The following CNPY2 variants were observed in gnomAD, a reference collection of about 807,000 sequenced individuals.
CNPY2 encodes protein canopy homolog 2.
A neutral mutation model predicts 25.5 loss-of-function variants in CNPY2; 19 were observed. The ratio of observed to expected loss-of-function variants is 0.74; its 90% CI spans 0.52 to 1.09. The LOEUF is 1.09. CNPY2 is among the 50% of genes least tolerant of loss of function. The probability of loss-of-function intolerance (pLI) is 0.00; values close to 1 mark genes in which losing one functional copy is unlikely to be tolerated. For missense variants in CNPY2, 214 were observed against 233.6 expected, an observed-to-expected ratio of 0.92 and a Z score of 0.55; for synonymous variants, 82 against 85.0, an observed-to-expected ratio of 0.96 and a Z score of 0.19.
rs1370712852 is a variant in CNPY2, at chr12:56,314,959, C to T, written c.96G>A (p.Arg32=). 1.2e-6 allele frequency: 2 copies of T among 1,614,076 alleles called. No individual in the cohort carries two copies. The highest frequency in any genetic ancestry group is 1.7e-6 in the Non-Finnish European group (2 of 1,180,006). The change falls in exon 3 of 6, where the codon AGG becomes AGA. Residue 32 remains arginine, a synonymous_variant. Transcript: ENST00000273308. ...CCCATTCTAGTTCATCCACCAGAGC[C>T]CTGCATGCTGGTGGAAGAGGAGAGA... is the stretch of plus-strand genomic sequence containing the variant. The part of the protein sequence containing the change: ...RSQDLHCGAC[R]ALVDELEWEI...
At chr12:56,314,577 C>A in intron 3 of CNPY2, 3 of 1,323,000 alleles carry the variant, frequency 2.3e-6, no homozygotes, top group Non-Finnish European at 2.9e-6. Context: ...CACAGTGCTA[C>A]ATTAAAAACC....
intron 1 of CNPY2, 116 bp from the exon 2 acceptor site, chr12:56,315,358 T>C (rs1873879184): frequency 3.2e-6 from 2 of 633,112 alleles, no homozygotes; most frequent in South Asian, 1.9e-5. Flanking sequence ...GGCTCTACTT[T>C]CCAGGAAATG....
At position 56,313,258 on chromosome 12, in the gene CNPY2, A is replaced by C. The variant is rs912269558; in HGVS notation, c.204+1593T>G. On this transcript the variant is annotated intron_variant, in intron 3 of 5. Coordinates refer to ENST00000273308, the MANE Select transcript of CNPY2 (RefSeq NM_014255.7). ...GTAATCCCAGCACTTTGAGAGGCCG[A>C]GGAGGGTGGCTCACTTGAGGTCAGG... 3.9e-5 allele frequency among the ~76,000 whole-genome samples: 6 copies of C among 152,052 alleles called. No individual in the cohort carries two copies. In the East Asian group the frequency reaches 7.8e-4, roughly 20 times the overall value.
chr12:56,310,913 T>G (rs1247489305), intron 5 of CNPY2, 45 bp downstream of exon 5: 1 of 1,552,444 alleles, frequency 6.4e-7, no homozygotes, highest in Non-Finnish European at 8.9e-7. Flanking sequence ...GAATGTCAGG[T>G]TCCACAGAGC....
intron 3 of CNPY2, chr12:56,311,653 G>A: frequency 4.2e-6 from 2 of 479,520 alleles, no homozygotes; most frequent in Non-Finnish European, 7.8e-6. Flanking sequence ...CTGGGTTCAA[G>A]TGATTCTCCT....
chr12:56,315,565 G>A (rs1458650694), intron 1 of CNPY2, among the ~76,000 whole-genome samples: 1 of 152,180 alleles, frequency 6.6e-6, no homozygotes, highest in East Asian at 1.9e-4. Context: ...GAGGTAAGTT[G>A]GCGATTACGT....
intron 2 of CNPY2, 31 bp from the exon 3 acceptor site, chr12:56,314,997 G>A (rs1489620862): frequency 1.9e-6 from 3 of 1,611,962 alleles, no homozygotes; most frequent in Non-Finnish European, 2.5e-6. Flanking sequence ...GAGAGCAGGG[G>A]ACAGGGTAGG....
chr12:56,311,481 T>C (rs763274465), intron 3 of CNPY2, 67 bp from the exon 4 acceptor site: 6 of 1,463,870 alleles, frequency 4.1e-6, no homozygotes, highest in African/African-American at 2.8e-5. Context: ...ATATCCTTAC[T>C]TTTCTTTCCA....
chr12:56,314,932 T>A lies in CNPY2; in HGVS notation c.123A>T (p.Glu41Asp), dbSNP rs1357920143. The A allele has an allele frequency of 6.2e-7, 1 of 1,614,072 alleles. No individual in the cohort carries two copies. The highest frequency in any genetic ancestry group is 1.7e-5 in the Admixed American group (1 of 60,012). Residue 41 changes from glutamate (E) to aspartate (D), a missense_variant, in exon 3 of 6, where the codon GAA becomes GAT. Physicochemically the swap from Glu to Asp is conservative, Grantham distance 45. Transcript: ENST00000273308. ...CRALVDELEW[E>D]IAQVDPKKTI... ...TCTTCTTGGGGTCCACCTGGGCAAT[T>A]TCCCATTCTAGTTCATCCACCAGAG... is the stretch of plus-strand genomic sequence containing the variant.
At chr12:56,315,108 C>A (rs1873861005) in intron 2 of CNPY2, 22 bp downstream of exon 2, 1 of 1,612,572 alleles carries the variant, frequency 6.2e-7, no homozygotes, top group Non-Finnish European at 8.5e-7. Context: ...TCCTCCACTT[C>A]TTTTTCCCGT....
Position 56,311,065 on chromosome 12 carries a change from A to G in CNPY2, c.409-11T>C. On this transcript the variant is annotated splice_polypyrimidine_tract_variant and intron_variant, in intron 4 of 5. Transcript: ENST00000273308. ...CACAATGCTCTCACACTGCCAACCCAAGGGAGAAATGGGTGACACAGGGCA... is the reference window on the plus strand; with the variant it reads ...CACAATGCTCTCACACTGCCAACCCGAGGGAGAAATGGGTGACACAGGGCA... 6.2e-7 allele frequency: 1 copy of G among 1,613,838 alleles called. No individual in the cohort carries two copies. Among genetic ancestry groups the G allele is most frequent in the Non-Finnish European group, 8.5e-7 (1 of 1,179,852 alleles).
In CNPY2 at chr12:56,310,185, T is replaced by C; in HGVS notation, c.*367A>G. On this transcript the variant is annotated 3_prime_UTR_variant, in exon 6 of 6. Transcript: ENST00000273308. Reference sequence around the variant, plus strand: ...TCCCCTGCTTCCTCATGGAGGTTCCTCTATTCTCCACAATTAGACTCTAAA... The same window carrying C: ...TCCCCTGCTTCCTCATGGAGGTTCCCCTATTCTCCACAATTAGACTCTAAA... 1.6e-6 allele frequency: 1 copy of C among 606,066 alleles called. No homozygotes were observed. Among genetic ancestry groups the C allele is most frequent in the South Asian group, 2.0e-5 (1 of 49,356 alleles). The allele number at this position is 606,066 out of a possible 1,614,324, so 37.5% of individuals were successfully genotyped here.
At chr12:56,311,523 T>C (rs1873716704) in intron 3 of CNPY2, 109 bp from the exon 4 acceptor site, 7 of 1,089,220 alleles carry the variant, frequency 6.4e-6, no homozygotes, top group Non-Finnish European at 9.7e-6. Flanking sequence ...TCTAAAAAGC[T>C]TTCCCTAATT....
chr12:56,310,892 G>C, intron 5 of CNPY2, 66 bp downstream of exon 5: 1 of 1,416,202 alleles, frequency 7.1e-7, no homozygotes, highest in Non-Finnish European at 1.0e-6. Context: ...GGGGTGTATG[G>C]GTGAGTTAGG....
In CNPY2 at chr12:56,311,387, G is replaced by A; in HGVS notation, c.232C>T (p.Leu78Phe). ...EVPYARSEAHLTELLEEICDR... is the reference protein window; with the variant it reads ...EVPYARSEAHFTELLEEICDR... ...CATATCTCCTCCAGCAGCTCTGTGA[G>A]GTGGGCCTCTGAGCGGGCATAAGGC... is the stretch of plus-strand genomic sequence containing the variant. The change falls in exon 4 of 6, where the codon CTC becomes TTC. Residue 78 changes from leucine (L) to phenylalanine (F), a missense_variant. By Grantham distance (22) the Leu-to-Phe change is conservative. Coordinates refer to ENST00000273308, the MANE Select transcript of CNPY2 (RefSeq NM_014255.7). 21 of 1,614,142 alleles carry A rather than the reference G, an allele frequency of 1.3e-5. No individual in the cohort carries two copies. The highest frequency in any genetic ancestry group is 1.8e-5 in the Non-Finnish European group (21 of 1,180,036).
chr12:56,310,010 G>C lies in CNPY2; in HGVS notation c.*542C>G. The C allele has an allele frequency of 1.4e-6, 1 of 701,934 alleles. No individual in the cohort carries two copies. The highest frequency in any genetic ancestry group is 2.6e-6 in the Non-Finnish European group (1 of 384,682). 43.5% of individuals were successfully genotyped at this position (701,934 alleles called of 1,614,324 possible). On this transcript the variant is annotated 3_prime_UTR_variant, in exon 6 of 6. Coordinates refer to ENST00000273308, the MANE Select transcript of CNPY2 (RefSeq NM_014255.7). ...CATCCATTTTCCCCTTCCTGTCTCT[G>C]TTCTTGCTGGTCCCTCCATCTGGAT...
chr12:56,311,875 T>C (rs2135935439), intron 3 of CNPY2: 1 of 160,900 alleles, frequency 6.2e-6, no homozygotes, highest in Non-Finnish European at 1.3e-5. Flanking sequence ...ATTTATTTTA[T>C]TTTATTTATT....
At position 56,314,834 on chromosome 12, in the gene CNPY2, G is replaced by A. The variant is rs1230044063; in HGVS notation, c.204+17C>T. On this transcript the variant is annotated intron_variant, in intron 3 of 5. Transcript: ENST00000273308. ...GCCAGAGTGAGCTACTTTGTTTGGGGGAACAGTAACAGTTACCTCCACCAC... is the reference window on the plus strand; with the variant it reads ...GCCAGAGTGAGCTACTTTGTTTGGGAGAACAGTAACAGTTACCTCCACCAC... 7 of 1,614,006 alleles carry A rather than the reference G, an allele frequency of 4.3e-6. No individual in the cohort carries two copies. Among genetic ancestry groups the A allele is most frequent in the African/African-American group, 1.3e-5 (1 of 74,890 alleles).
In CNPY2 at chr12:56,309,949, T is replaced by C. The variant is rs1190814015; in HGVS notation, c.*603A>G. The C allele has an allele frequency of 2.6e-5, 18 of 702,238 alleles. No homozygotes were observed. The highest frequency in any genetic ancestry group is 4.2e-5 in the Non-Finnish European group (16 of 384,826). The allele number at this position is 702,238 out of a possible 1,614,324, so 43.5% of individuals were successfully genotyped here. A position where few individuals can be genotyped will look rare whatever the true frequency, so the allele number is the denominator to read the frequency against. ...ACCTTCCTTACCTCGTCTGTCCCTA[T>C]CCGATAAAGCCCTTACTTTTCAGCT... On this transcript the variant is annotated 3_prime_UTR_variant, in exon 6 of 6. Coordinates refer to ENST00000273308, the MANE Select transcript of CNPY2 (RefSeq NM_014255.7).
Sources: gnomAD v4.1 joint callset for allele counts (sites outside exome capture counted in the v4.1 genomes callset) on GRCh38, gnomAD v4.1.1 for gene constraint, MANE v1.5 for transcripts, NCBI Gene and HGNC (gene_info 2026-07-23, HGNC 2026-07-21) for gene names.